The following LRTM3 variants were observed in gnomAD, a reference collection of about 807,000 sequenced individuals.
LRTM3 encodes the protein leucine rich repeat transmembrane protein 3, also known as leucine-rich repeat transmembrane protein 3.
chr13:102,737,585 A>G, the LRTM3 span: 1 of 1,549,966 alleles, frequency 6.5e-7, no homozygotes, highest in Non-Finnish European at 8.7e-7. Context: ...TTTAGGATTC[A>G]GTGGTAGGTT....
the LRTM3 span, chr13:102,730,999 G>A: frequency 3.9e-6 from 6 of 1,551,306 alleles, no homozygotes; most frequent in Non-Finnish European, 5.2e-6. Flanking sequence ...TTACAATTCT[G>A]GGAAAGGCTT....
At chr13:102,758,853 AAG>A in the LRTM3 span, 1 of 1,549,874 alleles carries the variant, frequency 6.5e-7, no homozygotes, top group Admixed American at 2.0e-5. Context: ...GGACTCTAGA[AAG>A]TCCCATAATG....
chr13:102,749,090 A>G, the LRTM3 span: 3 of 1,549,628 alleles, frequency 1.9e-6, no homozygotes, highest in Non-Finnish European at 1.7e-6. Flanking sequence ...TATATCTGAT[A>G]TATCTTTCCT....
the LRTM3 span, chr13:102,729,548 A>AG: frequency 6.6e-7 from 1 of 1,512,862 alleles, no homozygotes; most frequent in Non-Finnish European, 8.8e-7. Context: ...CTTTGCCACT[A>AG]GGGGAATTCT....
chr13:102,753,076 G>A, the LRTM3 span, among the ~76,000 whole-genome samples: 15,252 of 152,078 alleles, frequency 0.1, 816 homozygotes, highest in South Asian at 0.14. Flanking sequence ...CAACCCAAAC[G>A]CCCATCAATG....
the LRTM3 span, chr13:102,746,916 C>T: frequency 8.4e-6 from 13 of 1,551,126 alleles, no homozygotes; most frequent in African/African-American, 1.4e-5. Flanking sequence ...TTCACATTCT[C>T]AGCATGAGAT....
the LRTM3 span, chr13:102,736,336 C>G: frequency 6.4e-7 from 1 of 1,551,122 alleles, no homozygotes; most frequent in Non-Finnish European, 8.7e-7. Flanking sequence ...TGATGCTGAA[C>G]ACTTGTGGAG....
the LRTM3 span, chr13:102,731,598 T>C: frequency 6.4e-7 from 1 of 1,551,500 alleles, no homozygotes; most frequent in Non-Finnish European, 8.7e-7. Context: ...TTATCTAGTT[T>C]ATCAGAAGAA....
the LRTM3 span, chr13:102,734,324 A>G: frequency 3.9e-6 from 6 of 1,551,352 alleles, no homozygotes; most frequent in Non-Finnish European, 8.7e-7. Context: ...TGGAAGTACA[A>G]AGGATGTCTT....
At chr13:102,744,695 T>C in the LRTM3 span, 2 of 1,550,854 alleles carry the variant, frequency 1.3e-6, no homozygotes, top group Non-Finnish European at 8.7e-7. Flanking sequence ...GTGTTGACTA[T>C]AGCATGGAAC....
the LRTM3 span, among the ~76,000 whole-genome samples, chr13:102,753,496 AAAAAAAAAAAAAGAAAAG>A: frequency 3.0e-5 from 1 of 33,468 alleles, no homozygotes; most frequent in Admixed American, 4.7e-4. Flanking sequence ...AGTAAAATTA[AAAAAAAAAAAAAGAAAAG>A]AAAAAAAAAA....
chr13:102,744,384 A>G, the LRTM3 span: 1 of 1,550,134 alleles, frequency 6.5e-7, no homozygotes, highest in Non-Finnish European at 8.7e-7. Flanking sequence ...GAACTATCCC[A>G]TTTCCTTCTA....
chr13:102,732,121 A>T, the LRTM3 span: 1 of 1,551,338 alleles, frequency 6.4e-7, no homozygotes, highest in Non-Finnish European at 8.7e-7. Context: ...CCCCTTTTAC[A>T]ATTGTTAAAG....
chr13:102,736,932 G>A, the LRTM3 span: 1 of 1,551,070 alleles, frequency 6.4e-7, no homozygotes, highest in Non-Finnish European at 8.7e-7. Context: ...GTTACTCCTT[G>A]TTCCTCTTTT....
At chr13:102,731,256 A>C in the LRTM3 span, 1 of 1,551,362 alleles carries the variant, frequency 6.4e-7, no homozygotes, top group East Asian at 2.4e-5. Context: ...TTATGTTTTG[A>C]GTTAGGTTCT....
At chr13:102,736,796 T>G in the LRTM3 span, 1 of 1,551,156 alleles carries the variant, frequency 6.4e-7, no homozygotes, top group Non-Finnish European at 8.7e-7. Flanking sequence ...TTTATCCTTT[T>G]GGATCTGGGC....
chr13:102,732,082 T>G, the LRTM3 span: 1 of 1,551,446 alleles, frequency 6.4e-7, no homozygotes, highest in Non-Finnish European at 8.7e-7. Context: ...GCTGGGGATC[T>G]TGTGGAACTG....
chr13:102,758,719 T>C, the LRTM3 span: 2 of 1,548,102 alleles, frequency 1.3e-6, no homozygotes, highest in East Asian at 2.4e-5. Flanking sequence ...ACATCTGAAC[T>C]ACCCTTTTCA....
the LRTM3 span, chr13:102,738,771 T>C: frequency 6.4e-7 from 1 of 1,550,562 alleles, no homozygotes. Context: ...AGAAAAGAGA[T>C]GGAAGCAAAA....
Sources: allele counts gnomAD v4.1 joint callset (sites outside exome capture counted in the v4.1 genomes callset), GRCh38; gene constraint gnomAD v4.1.1; transcripts MANE v1.5; gene names NCBI Gene and HGNC (gene_info 2026-07-23, HGNC 2026-07-21).